Variants in SLC6A3 observed in about 807,000 individuals in gnomAD.
SLC6A3 encodes sodium-dependent dopamine transporter.
SLC6A3 carries 19 observed loss-of-function variants against 70.4 expected under a neutral mutation model. The ratio of observed to expected loss-of-function variants is 0.27; its 90% confidence interval spans 0.19 to 0.40. SLC6A3 has a LOEUF of 0.40. SLC6A3 is among the 10% of genes least tolerant of loss of function. The pLI is 1.00. For missense variants in SLC6A3, 613 were observed against 838.5 expected, an observed-to-expected ratio of 0.73 and a Z score of 3.32; for synonymous variants, 368 against 356.6, an observed-to-expected ratio of 1.03 and a Z score of -0.36.
intron 9 of SLC6A3, 101 bp from the exon 10 acceptor site, chr5:1,409,950 G>A: frequency 5.4e-6 from 8 of 1,486,686 alleles, no homozygotes; most frequent in Non-Finnish European, 7.4e-6. Context: ...ACCCGGGGAT[G>A]GACACGGAAC....
At position 1,413,100 on chromosome 5, in the gene SLC6A3, A is replaced by G. The variant is rs1212379809; in HGVS notation, c.1156+1591T>C. Among the ~76,000 whole-genome samples the G allele has an allele frequency of 1.3e-5, 2 of 152,252 alleles. No homozygotes were observed. The highest frequency in any genetic ancestry group is 4.8e-5 in the African/African-American group (2 of 41,474). ...GTAAATGACATTTACTTTGCTTGTCATGAAATGCACAGAAGAACATTCAAC... is the reference window on the plus strand; with the variant it reads ...GTAAATGACATTTACTTTGCTTGTCGTGAAATGCACAGAAGAACATTCAAC... On this transcript the variant is annotated intron_variant, in intron 8 of 14. Transcript: ENST00000270349. The surrounding 1 kb of genome is among the most constrained non-coding windows in gnomAD (Gnocchi z 7.1).
chr5:1,398,942 A>G lies in SLC6A3; in HGVS notation c.1839+1973T>C, dbSNP rs141847471. Among the ~76,000 whole-genome samples the G allele has an allele frequency of 1.5e-3, 221 of 152,340 alleles. 1 individual carries two copies. The highest frequency in any genetic ancestry group is 4.8e-3 in the African/African-American group (201 of 41,584). On this transcript the variant is annotated intron_variant, in intron 14 of 14. Transcript: ENST00000270349. Reference sequence around the variant, plus strand: ...CAATTACTCATGGTCAAGCACCCCTAAAGTTGACAAAGTGTAGACAATGTG... The same window carrying G: ...CAATTACTCATGGTCAAGCACCCCTGAAGTTGACAAAGTGTAGACAATGTG...
At chr5:1,424,654 G>C (rs574599326) in intron 4 of SLC6A3, among the ~76,000 whole-genome samples, 1 of 152,254 alleles carries the variant, frequency 6.6e-6, no homozygotes, top group Admixed American at 6.5e-5. Context: ...CTGGACCAGA[G>C]GGGGAGGCCC....
Position 1,442,393 on chromosome 5 carries a change from T to C in SLC6A3, c.286+519A>G, listed in dbSNP as rs1039314993. On this transcript the variant is annotated intron_variant, in intron 2 of 14. Transcript: ENST00000270349. The surrounding 1 kb of genome is among the most constrained non-coding windows in gnomAD (Gnocchi z 5.0). Reference sequence around the variant, plus strand: ...GCCCAAAGAGGCTCCTGGGAAGGGATCACCAATGTTCTTGGACGTCCCCGG... The same window carrying C: ...GCCCAAAGAGGCTCCTGGGAAGGGACCACCAATGTTCTTGGACGTCCCCGG... 2.6e-5 allele frequency among the ~76,000 whole-genome samples: 4 copies of C among 151,970 alleles called. No homozygotes were observed. Among genetic ancestry groups the C allele is most frequent in the Non-Finnish European group, 5.9e-5 (4 of 67,976 alleles).
At chr5:1,407,777 G>A (rs1267496319) in intron 11 of SLC6A3, among the ~76,000 whole-genome samples, 2 of 152,196 alleles carry the variant, frequency 1.3e-5, no homozygotes, top group Admixed American at 6.5e-5. Context: ...GTGAAAGTAC[G>A]AGGTTGATAT....
rs768716862 is a variant in SLC6A3, at chr5:1,405,716, C to T, written c.1599+472G>A. Among the ~76,000 whole-genome samples the T allele has an allele frequency of 5.3e-5, 8 of 152,368 alleles. No individual in the cohort carries two copies. Among genetic ancestry groups the T allele is most frequent in the Non-Finnish European group, 1.0e-4 (7 of 68,030 alleles). ...CGGTGGCGGATGACAGAAGCAAGTG[C>T]CTACTGGACACAGTGATGCTGCTGA... is the stretch of plus-strand genomic sequence containing the variant. On this transcript the variant is annotated intron_variant, in intron 12 of 14. Coordinates refer to ENST00000270349, the MANE Select transcript of SLC6A3 (RefSeq NM_001044.5). The surrounding 1 kb of genome is among the most constrained non-coding windows in gnomAD (Gnocchi z 5.3).
Position 1,406,636 on chromosome 5 carries a change from A to G in SLC6A3, c.1499-348T>C, listed in dbSNP as rs1186665902. On this transcript the variant is annotated intron_variant, in intron 11 of 14. Transcript: ENST00000270349. This position sits in a 1 kb window ranked among gnomAD's most constrained non-coding sequence, Gnocchi z 8.8. ...TACTTCTTGTTCACTTAAAAAGATTATGGTAAAATACACATAACATAAAAC... is the reference window on the plus strand; with the variant it reads ...TACTTCTTGTTCACTTAAAAAGATTGTGGTAAAATACACATAACATAAAAC... Among the ~76,000 whole-genome samples, 2 of 149,306 alleles carry G rather than the reference A, an allele frequency of 1.3e-5. No individual in the cohort carries two copies. The highest frequency in any genetic ancestry group is 3.0e-5 in the Non-Finnish European group (2 of 65,982).
intron 6 of SLC6A3, chr5:1,416,526 A>T: frequency 2.1e-6 from 1 of 471,442 alleles, no homozygotes; most frequent in Admixed American, 3.4e-5. Context: ...ACTCATCCAC[A>T]CACGGCATGA....
At chr5:1,433,668 G>A (rs1756760676) in intron 3 of SLC6A3, among the ~76,000 whole-genome samples, 2 of 151,534 alleles carry the variant, frequency 1.3e-5, no homozygotes, top group Admixed American at 1.3e-4. Context: ...ACAATCCACT[G>A]TCATTCACAA....
chr5:1,426,458 T>C (rs574977115), intron 4 of SLC6A3, among the ~76,000 whole-genome samples: 2 of 152,258 alleles, frequency 1.3e-5, no homozygotes, highest in South Asian at 4.2e-4. Flanking sequence ...GAGGATTGCT[T>C]GAGCCCAGAA....
intron 4 of SLC6A3, among the ~76,000 whole-genome samples, chr5:1,427,002 A>G (rs1756588190): frequency 6.6e-6 from 1 of 152,244 alleles, no homozygotes; most frequent in Non-Finnish European, 1.5e-5. Context: ...TGTAAAGCCC[A>G]AGCTGAATCA....
chr5:1,394,767 A>T lies in SLC6A3; in HGVS notation c.1840-9T>A, dbSNP rs1333722266. On this transcript the variant is annotated splice_polypyrimidine_tract_variant and intron_variant, in intron 14 of 14. Transcript: ENST00000270349. The surrounding 1 kb of genome is among the most constrained non-coding windows in gnomAD (Gnocchi z 4.7). ...TTGAGCCAGTGGCGGAGCTGGAAAG[A>T]AAACAGGTTTAGTCAGAAACCCTGG... 1 of 1,614,092 alleles carries T rather than the reference A, an allele frequency of 6.2e-7. No homozygotes were observed. Among genetic ancestry groups the T allele is most frequent in the Non-Finnish European group, 8.5e-7 (1 of 1,180,002 alleles).
Position 1,402,389 on chromosome 5 carries a change from A to G in SLC6A3, c.1767+533T>C, listed in dbSNP as rs1277918560. On this transcript the variant is annotated intron_variant, in intron 13 of 14. Transcript: ENST00000270349. This position sits in a 1 kb window ranked among gnomAD's most constrained non-coding sequence, Gnocchi z 8.5. ...TCAGTGACTCCGCAAAGCTTCCTCCACTGCCTGGGGCTCCAGCTGCCCCTG... is the reference window on the plus strand; with the variant it reads ...TCAGTGACTCCGCAAAGCTTCCTCCGCTGCCTGGGGCTCCAGCTGCCCCTG... 6.6e-6 allele frequency among the ~76,000 whole-genome samples: 1 copy of G among 151,842 alleles called. No individual in the cohort carries two copies. Among genetic ancestry groups the G allele is most frequent in the Non-Finnish European group, 1.5e-5 (1 of 67,970 alleles).
chr5:1,417,024 C>T (rs1264865553), intron 6 of SLC6A3, among the ~76,000 whole-genome samples: 2 of 150,776 alleles, frequency 1.3e-5, no homozygotes, highest in Non-Finnish European at 3.0e-5. Context: ...TATCCACACT[C>T]ACACCAGCCC....
At chr5:1,415,842 G>C (rs1756277586) in intron 7 of SLC6A3, among the ~76,000 whole-genome samples, 1 of 152,204 alleles carries the variant, frequency 6.6e-6, no homozygotes. Context: ...TGGGGAATCT[G>C]GCCGCAGGTC....
chr5:1,426,456 C>T (rs1407896489), intron 4 of SLC6A3, among the ~76,000 whole-genome samples: 2 of 152,154 alleles, frequency 1.3e-5, no homozygotes, highest in Admixed American at 1.3e-4. Context: ...AGGAGGATTG[C>T]TTGAGCCCAG....
chr5:1,396,464 C>T lies in SLC6A3; in HGVS notation c.1840-1706G>A, dbSNP rs1410369205. On this transcript the variant is annotated intron_variant, in intron 14 of 14. Transcript: ENST00000270349. This position sits in a 1 kb window ranked among gnomAD's most constrained non-coding sequence, Gnocchi z 7.0. ...CCTCGAGGGAGTTTCTAGATTGCAG[C>T]ACAGGGAGGGTGCAGCCTGGTGGAC... is the stretch of plus-strand genomic sequence containing the variant. Among the ~76,000 whole-genome samples the T allele has an allele frequency of 1.3e-5, 2 of 152,252 alleles. No individual in the cohort carries two copies. The highest frequency in any genetic ancestry group is 2.4e-5 in the African/African-American group (1 of 41,462).
At chr5:1,415,465 G>A (rs368095114) in intron 7 of SLC6A3, among the ~76,000 whole-genome samples, 86 of 152,298 alleles carry the variant, frequency 5.6e-4, no homozygotes, top group African/African-American at 7.0e-4. Context: ...GCCTTCCAGC[G>A]CCCACTCTCA....
At chr5:1,420,810 G>A (rs1756418277) in intron 5 of SLC6A3, 107 bp from the exon 6 acceptor site, 2 of 1,210,054 alleles carry the variant, frequency 1.7e-6, no homozygotes, top group African/African-American at 1.5e-5. Flanking sequence ...CTCTGATTGG[G>A]AGGCCCAATT....
Sources: gnomAD v4.1 joint callset for allele counts (sites outside exome capture counted in the v4.1 genomes callset) on GRCh38, gnomAD v4.1.1 for gene constraint, Gnocchi (gnomAD v3.1) non-coding constraint, MANE v1.5 for transcripts, NCBI Gene and HGNC (gene_info 2026-07-23, HGNC 2026-07-21) for gene names.